Variants in FBP2 observed in about 807,000 individuals in gnomAD.
FBP2 encodes fructose-bisphosphatase 2, also known as fructose-1,6-bisphosphatase isozyme 2.
FBP2 carries 27 observed loss-of-function variants against 31.6 expected under a neutral mutation model. That is an observed-to-expected ratio of 0.85 (90% CI 0.63 to 1.18). FBP2 has a LOEUF of 1.18. Among genes scored for constraint, FBP2 ranks in the 50% most tolerant of loss-of-function variants. The probability of loss-of-function intolerance (pLI) is 0.00; values close to 1 mark genes in which losing one functional copy is unlikely to be tolerated. For missense variants in FBP2, 421 were observed against 436.1 expected, an observed-to-expected ratio of 0.97 and a Z score of 0.31; for synonymous variants, 168 against 179.8, an observed-to-expected ratio of 0.93 and a Z score of 0.53.
At chr9:94,568,656 C>T (rs10115132) in intron 4 of FBP2, 33,736 of 152,098 alleles carry the variant, frequency 0.22, 6,714 homozygotes, top group African/African-American at 0.54. Flanking sequence ...CTCCACATAG[C>T]AGAGGTGTTG....
At chr9:94,583,368 T>C (rs1827392514) in intron 3 of FBP2, among the ~76,000 whole-genome samples, 1 of 152,224 alleles carries the variant, frequency 6.6e-6, no homozygotes, top group Admixed American at 6.5e-5. Context: ...TGGCTTTAGA[T>C]ATCCTAACTA....
intron 1 of FBP2, among the ~76,000 whole-genome samples, chr9:94,592,553 G>A (rs907033796): frequency 1.3e-5 from 2 of 152,130 alleles, no homozygotes; most frequent in African/African-American, 4.8e-5. Flanking sequence ...TGTATGTTTT[G>A]AGATGGAATC....
At chr9:94,562,115 T>A (rs546559312) in intron 6 of FBP2, among the ~76,000 whole-genome samples, 1 of 151,866 alleles carries the variant, frequency 6.6e-6, no homozygotes, top group South Asian at 2.1e-4. Context: ...ATCGAGACCA[T>A]CCTGGCTAAC....
chr9:94,561,168 C>T (rs1224987185), intron 6 of FBP2, among the ~76,000 whole-genome samples: 4 of 152,022 alleles, frequency 2.6e-5, no homozygotes, highest in Non-Finnish European at 5.9e-5. Flanking sequence ...AGATTGTAAT[C>T]AATTATCCTG....
chr9:94,591,694 G>C (rs1177457686), intron 1 of FBP2, among the ~76,000 whole-genome samples: 2 of 152,344 alleles, frequency 1.3e-5, no homozygotes, highest in East Asian at 3.9e-4. Flanking sequence ...GGTAGTGACA[G>C]GCACTGTGCG....
chr9:94,584,444 T>C (rs757470809), intron 3 of FBP2, 133 bp downstream of exon 3: 22 of 634,014 alleles, frequency 3.5e-5, no homozygotes, highest in Non-Finnish European at 6.0e-5. Context: ...GAAAAGTTGG[T>C]GGTTTGCCTA....
intron 4 of FBP2, chr9:94,568,511 C>T (rs1309520323): frequency 6.6e-6 from 1 of 152,180 alleles, no homozygotes; most frequent in Non-Finnish European, 1.5e-5. Context: ...AAACCAGATC[C>T]ATTTTGATGA....
At chr9:94,562,430 A>G (rs1319495862) in intron 6 of FBP2, among the ~76,000 whole-genome samples, 1 of 151,552 alleles carries the variant, frequency 6.6e-6, no homozygotes, top group African/African-American at 2.4e-5. Context: ...CAGTGTTCTT[A>G]GTTCAGTGGG....
Position 94,593,768 on chromosome 9 carries a change from C to A in FBP2, c.-42G>T, listed in dbSNP as rs751215910. 2.5e-6 allele frequency: 4 copies of A among 1,607,246 alleles called. No homozygotes were observed. Among genetic ancestry groups the A allele is most frequent in the Non-Finnish European group, 3.4e-6 (4 of 1,176,074 alleles). ...CAAATCCTTTTCTCCCGGCAGGAAACCTTGCTTACTTCTGAGGGCTGCAGC... is the reference window on the plus strand; with the variant it reads ...CAAATCCTTTTCTCCCGGCAGGAAAACTTGCTTACTTCTGAGGGCTGCAGC... On this transcript the variant is annotated 5_prime_UTR_variant, in exon 1 of 7. Coordinates refer to ENST00000375337, the MANE Select transcript of FBP2 (RefSeq NM_003837.4).
chr9:94,593,817 A>C lies in FBP2; in HGVS notation c.-91T>G, dbSNP rs1827529050. ...GCTCCGCAGTGTGGAAGCCGATAAGAAATCTGTGCTGGCCCTGCCAGGATC... is the reference window on the plus strand; with the variant it reads ...GCTCCGCAGTGTGGAAGCCGATAAGCAATCTGTGCTGGCCCTGCCAGGATC... On this transcript the variant is annotated 5_prime_UTR_variant, in exon 1 of 7. Coordinates refer to ENST00000375337, the MANE Select transcript of FBP2 (RefSeq NM_003837.4). 7.0e-7 allele frequency: 1 copy of C among 1,437,110 alleles called. No homozygotes were observed. Among genetic ancestry groups the C allele is most frequent in the African/African-American group, 1.4e-5 (1 of 70,934 alleles). The allele number at this position is 1,437,110 out of a possible 1,614,324, so 89.0% of individuals were successfully genotyped here. A position where few individuals can be genotyped will look rare whatever the true frequency, so the allele number is the denominator to read the frequency against.
chr9:94,576,427 T>C (rs1020798077), intron 3 of FBP2, among the ~76,000 whole-genome samples: 1 of 152,212 alleles, frequency 6.6e-6, no homozygotes, highest in African/African-American at 2.4e-5. Context: ...CTGCATTCAG[T>C]TACAATTTTA....
At chr9:94,581,529 C>T (rs1448939213) in intron 3 of FBP2, among the ~76,000 whole-genome samples, 1 of 152,216 alleles carries the variant, frequency 6.6e-6, no homozygotes, top group Non-Finnish European at 1.5e-5. Flanking sequence ...CTGGCTTCCA[C>T]TGTTTTGACT....
intron 1 of FBP2, among the ~76,000 whole-genome samples, chr9:94,593,238 A>G (rs1170534696): frequency 2.6e-5 from 4 of 152,244 alleles, no homozygotes; most frequent in Admixed American, 6.5e-5. Context: ...TGTTCCAGTG[A>G]GACTCTCTCT....
At chr9:94,564,274 C>T (rs1827153492) in intron 5 of FBP2, among the ~76,000 whole-genome samples, 1 of 152,108 alleles carries the variant, frequency 6.6e-6, no homozygotes, top group African/African-American at 2.4e-5. Flanking sequence ...TGAACTCATA[C>T]CAACCACTCT....
At chr9:94,581,263 G>A (rs75289457) in intron 3 of FBP2, among the ~76,000 whole-genome samples, 7,665 of 152,214 alleles carry the variant, frequency 0.05, 264 homozygotes, top group Middle Eastern at 0.095. Flanking sequence ...AGTCTTATGG[G>A]ATCAAATTAA....
At chr9:94,577,145 T>C (rs1827323545) in intron 3 of FBP2, among the ~76,000 whole-genome samples, 1 of 152,200 alleles carries the variant, frequency 6.6e-6, no homozygotes, top group African/African-American at 2.4e-5. Flanking sequence ...TGACAGGAGA[T>C]ACACCCGGGT....
chr9:94,573,347 C>T (rs1827287624), intron 3 of FBP2, among the ~76,000 whole-genome samples: 1 of 152,142 alleles, frequency 6.6e-6, no homozygotes, highest in Admixed American at 6.5e-5. Flanking sequence ...CAGCCTCCAA[C>T]TCCTGGGCTT....
rs1486201574 is a variant in FBP2, at chr9:94,593,801, T to G, written c.-75A>C. 3.3e-6 allele frequency: 5 copies of G among 1,511,094 alleles called. No individual in the cohort carries two copies. The highest frequency in any genetic ancestry group is 3.6e-6 in the Non-Finnish European group (4 of 1,110,116). The allele number at this position is 1,511,094 out of a possible 1,614,324, so 93.6% of individuals were successfully genotyped here. On this transcript the variant is annotated 5_prime_UTR_variant, in exon 1 of 7. Transcript: ENST00000375337. ...ACTTCTGAGGGCTGCAGCTCCGCAG[T>G]GTGGAAGCCGATAAGAAATCTGTGC... is the stretch of plus-strand genomic sequence containing the variant.
At chr9:94,565,852 G>C (rs185846569) in intron 5 of FBP2, among the ~76,000 whole-genome samples, 3 of 152,296 alleles carry the variant, frequency 2.0e-5, no homozygotes, top group African/African-American at 7.2e-5. Flanking sequence ...ATAGATGCTC[G>C]TAACTTGGGG....
Sources: gnomAD v4.1 joint callset for allele counts (sites outside exome capture counted in the v4.1 genomes callset) on GRCh38, gnomAD v4.1.1 for gene constraint, MANE v1.5 for transcripts, NCBI Gene and HGNC (gene_info 2026-07-23, HGNC 2026-07-21) for gene names.